LARP1: variants seen among roughly 807,000 people sequenced by gnomAD.
LARP1 encodes the protein la-related protein 1.
LARP1 carries 36 observed loss-of-function variants against 122.7 expected under a neutral mutation model. The observed-to-expected ratio is 0.29, with a 90% confidence interval of 0.22 to 0.39. The LOEUF (loss-of-function observed/expected upper bound fraction) is 0.39, where lower values mean the gene tolerates loss of function less well. Among genes scored for constraint, LARP1 ranks in the 10% least tolerant of loss-of-function variants. The probability of loss-of-function intolerance (pLI) is 1.00; values close to 1 mark genes in which losing one functional copy is unlikely to be tolerated. For missense variants in LARP1, 1,040 were observed against 1,403.6 expected, an observed-to-expected ratio of 0.74 and a Z score of 4.14; for synonymous variants, 539 against 528.7, an observed-to-expected ratio of 1.02 and a Z score of -0.27.
chr5:154,719,138 C>T (rs547011158), intron 1 of LARP1, among the ~76,000 whole-genome samples: 16 of 152,188 alleles, frequency 1.1e-4, no homozygotes, highest in African/African-American at 3.6e-4. Flanking sequence ...AAATTCAGTT[C>T]GGTGCCCCTA....
intron 1 of LARP1, among the ~76,000 whole-genome samples, chr5:154,765,744 A>G (rs1754892539): frequency 1.3e-5 from 2 of 152,166 alleles, no homozygotes; most frequent in African/African-American, 4.8e-5. Context: ...TCGATACCTG[A>G]TTACGTTTGT....
chr5:154,793,573 A>G (rs762457425), intron 4 of LARP1, 22 bp from the exon 5 acceptor site: 1 of 1,614,130 alleles, frequency 6.2e-7, no homozygotes, highest in Non-Finnish European at 8.5e-7. Flanking sequence ...AGCCTTTCTC[A>G]TGTACCCATG....
intron 1 of LARP1, among the ~76,000 whole-genome samples, chr5:154,777,038 G>T: frequency 6.6e-6 from 1 of 152,156 alleles, no homozygotes; most frequent in East Asian, 1.9e-4. Flanking sequence ...TTTTGTCATC[G>T]TATGAACCTA....
exon 1 of LARP1, chr5:154,712,967 T>C: frequency 6.2e-7 from 1 of 1,614,100 alleles, no homozygotes; most frequent in East Asian, 2.2e-5. Context: ...CTCCTTTCCC[T>C]CACCCAGAGC....
In LARP1 at chr5:154,755,873, C is replaced by A; in HGVS notation, c.116C>A (p.Pro39His). 1 of 1,014,864 alleles carries A rather than the reference C, an allele frequency of 9.9e-7. No individual in the cohort carries two copies. Among genetic ancestry groups the A allele is most frequent in the Non-Finnish European group, 1.2e-6 (1 of 847,100 alleles). 62.9% of individuals were successfully genotyped at this position (1,014,864 alleles called of 1,614,324 possible). ...CCGGCGCCCGAGGGCAAGGGCGAGC[C>A]CGGGCCAAACGACGTCCGCGGGGGG... Reference protein sequence around the residue: ...PPPAPEGKGEPGPNDVRGGEP... With the variant: ...PPPAPEGKGEHGPNDVRGGEP... The change falls in exon 1 of 19, where the codon CCC (proline) becomes CAC (histidine). Residue 39 changes from proline to histidine, a missense_variant. Pro to His is a moderately conservative substitution (Grantham distance 77). Around this residue, in one of 8 missense-constraint regions of LARP1, gnomAD observed 257 missense variants for 273.3 expected, o/e 0.94. Transcript: ENST00000518297.
At position 154,802,523 on chromosome 5, in the gene LARP1, T is replaced by C. The variant is rs79091129; in HGVS notation, c.2109+124T>C. The C allele has an allele frequency of 2.2e-3, 2,617 of 1,190,400 alleles. 43 individuals are homozygous for C. In the African/African-American group the frequency reaches 0.037, roughly 17 times the overall value. 73.7% of individuals were successfully genotyped at this position (1,190,400 alleles called of 1,614,324 possible). A position where few individuals can be genotyped will look rare whatever the true frequency, so the allele number is the denominator to read the frequency against. ...ATAATTCAGAGTCTCAGGATTTTTA[T>C]ATATGGGAAGGGGATGATGACTGAC... On this transcript the variant is annotated intron_variant, in intron 11 of 18. Coordinates refer to ENST00000518297, the MANE Select transcript of LARP1 (RefSeq NM_033551.3). This position sits in a 1 kb window ranked among gnomAD's most constrained non-coding sequence, Gnocchi z 5.1.
At chr5:154,708,236 C>T (rs1390100996), upstream of LARP1, among the ~76,000 whole-genome samples, 3 of 152,236 alleles carry the variant, frequency 2.0e-5, no homozygotes, top group Non-Finnish European at 4.4e-5. Flanking sequence ...TCCCAATGCT[C>T]ACTCGTCGCC....
intron 1 of LARP1, among the ~76,000 whole-genome samples, chr5:154,729,958 G>A (rs1756456163): frequency 6.6e-6 from 1 of 152,178 alleles, no homozygotes. Flanking sequence ...CTGCATGAGT[G>A]ACTTTAGTAA....
At chr5:154,710,091 T>C (rs1196270010), upstream of LARP1, among the ~76,000 whole-genome samples, 2 of 151,920 alleles carry the variant, frequency 1.3e-5, no homozygotes, top group African/African-American at 4.8e-5. Context: ...GTAATGCAAG[T>C]GATGGGGAGC....
chr5:154,721,878 C>A lies in LARP1; in HGVS notation c.205+8748C>A, dbSNP rs558690865. On this transcript the variant is annotated intron_variant, in intron 1 of 18. Transcript: ENST00000336314. ...ATGCTTTCTCTCCATACTGACAAAC[C>A]AGATATTCCCTGTATCCTATGACAG... Among the ~76,000 whole-genome samples the A allele has an allele frequency of 2.6e-5, 4 of 152,248 alleles. No individual in the cohort carries two copies. The South Asian group carries it at 8.3e-4, about 32-fold the overall frequency.
At chr5:154,736,521 C>T (rs1262729616) in intron 1 of LARP1, among the ~76,000 whole-genome samples, 1 of 149,270 alleles carries the variant, frequency 6.7e-6, no homozygotes, top group African/African-American at 2.5e-5. Context: ...TTGAGCCACA[C>T]CCTGCCTGGC....
chr5:154,687,012 C>A (rs1753968961), intron 1 of LARP1, among the ~76,000 whole-genome samples: 1 of 152,158 alleles, frequency 6.6e-6, no homozygotes, highest in Non-Finnish European at 1.5e-5. Flanking sequence ...TTAGACCGAC[C>A]CCTCAGTCAC....
intron 1 of LARP1, among the ~76,000 whole-genome samples, chr5:154,725,411 G>A (rs889554957): frequency 2.0e-5 from 3 of 146,546 alleles, no homozygotes; most frequent in Non-Finnish European, 4.5e-5. Context: ...AAAAAAAGGT[G>A]TGATGGCATG....
chr5:154,774,381 C>G (rs768229168), intron 1 of LARP1, among the ~76,000 whole-genome samples: 6 of 152,170 alleles, frequency 3.9e-5, no homozygotes, highest in Admixed American at 3.9e-4. Context: ...TGCCAAGTCT[C>G]CAGGCTGGGG....
chr5:154,706,302 A>C (rs1379249316), intron 1 of LARP1, among the ~76,000 whole-genome samples: 1 of 26,628 alleles, frequency 3.8e-5, no homozygotes, highest in East Asian at 6.3e-4. Flanking sequence ...TCAAAATAAT[A>C]ATAATAATAA....
intron 1 of LARP1, among the ~76,000 whole-genome samples, chr5:154,739,300 G>A (rs1018442179): frequency 2.4e-4 from 37 of 152,204 alleles, no homozygotes; most frequent in African/African-American, 7.9e-4. Context: ...GATTACAGGC[G>A]TGAGCCACCT....
chr5:154,735,929 T>G (rs950224718), intron 1 of LARP1, among the ~76,000 whole-genome samples: 4 of 152,022 alleles, frequency 2.6e-5, no homozygotes, highest in African/African-American at 9.7e-5. Context: ...TTTATTATTA[T>G]TTCTAGAAAT....
chr5:154,810,410 TG>T (rs1759167283), intron 16 of LARP1, among the ~76,000 whole-genome samples: 1 of 150,828 alleles, frequency 6.6e-6, no homozygotes, highest in African/African-American at 2.4e-5. Context: ...CACTCCAGCC[TG>T]GGTGACTGAG....
chr5:154,808,311 T>C (rs1358352580), intron 15 of LARP1, 148 bp from the exon 16 acceptor site: 7 of 935,318 alleles, frequency 7.5e-6, no homozygotes, highest in African/African-American at 5.0e-5. Context: ...TCAATAGATA[T>C]CTGCTGAATG....
Sources: gnomAD v4.1 joint callset for allele counts (sites outside exome capture counted in the v4.1 genomes callset) on GRCh38, gnomAD v4.1.1 for gene constraint, gnomAD v4.1.1 regional missense constraint, Gnocchi (gnomAD v3.1) non-coding constraint, MANE v1.5 for transcripts, NCBI Gene and HGNC (gene_info 2026-07-23, HGNC 2026-07-21) for gene names.